FER: variants seen among roughly 807,000 people sequenced by gnomAD.
The protein encoded by FER is FER tyrosine kinase, also known as tyrosine-protein kinase Fer.
A neutral mutation model predicts 111.0 loss-of-function variants in FER; 63 were observed. That is an observed-to-expected ratio of 0.57 (90% CI 0.46 to 0.70). The LOEUF is 0.70. FER is among the 30% of genes least tolerant of loss of function. The pLI is 0.00. For synonymous variants in FER, 327 were observed against 313.9 expected, an observed-to-expected ratio of 1.04 and a Z score of -0.44; for missense variants, 914 against 954.0, an observed-to-expected ratio of 0.96 and a Z score of 0.55.
At chr5:109,047,596 T>G (rs1421535301) in intron 16 of FER, among the ~76,000 whole-genome samples, 1 of 152,194 alleles carries the variant, frequency 6.6e-6, no homozygotes, top group Admixed American at 6.5e-5. Context: ...AATGTTTAAA[T>G]TAATTTTTAA....
chr5:109,190,724 CT>C lies in FER; in HGVS notation c.*3150del, dbSNP rs1759316789. 1 of 152,120 alleles carries C rather than the reference CT, an allele frequency of 6.6e-6. No homozygotes were observed. Among genetic ancestry groups the C allele is most frequent in the African/African-American group, 2.4e-5 (1 of 41,440 alleles). The allele number at this position is 152,120 out of a possible 1,614,324, so 9.4% of individuals were successfully genotyped here. A position where few individuals can be genotyped will look rare whatever the true frequency, so the allele number is the denominator to read the frequency against. On this transcript the variant is annotated 3_prime_UTR_variant, in exon 20 of 20. Transcript: ENST00000281092. ...CAGTGAGAGGTCTCCAGTGAAAGGTCTCATGTAATTGTTTCTCTTTTATCTC... is the reference window on the plus strand; with the variant it reads ...CAGTGAGAGGTCTCCAGTGAAAGGTCCATGTAATTGTTTCTCTTTTATCTC...
chr5:108,921,538 A>T (rs975838208), intron 10 of FER, among the ~76,000 whole-genome samples: 1 of 152,144 alleles, frequency 6.6e-6, no homozygotes, highest in Non-Finnish European at 1.5e-5. Flanking sequence ...CGTATCAACA[A>T]GTAGAGTTAT....
intron 10 of FER, among the ~76,000 whole-genome samples, chr5:108,918,556 T>G (rs1752576885): frequency 6.6e-6 from 1 of 151,266 alleles, no homozygotes; most frequent in African/African-American, 2.4e-5. Context: ...GTGCGATCTC[T>G]GCTCACTGCA....
chr5:109,040,429 T>A (rs998283164), intron 14 of FER, among the ~76,000 whole-genome samples: 19 of 152,052 alleles, frequency 1.2e-4, no homozygotes, highest in African/African-American at 4.3e-4. Context: ...GGAGATATGA[T>A]GCCTTGGAAG....
At chr5:108,767,055 T>G (rs1186462651) in intron 1 of FER, among the ~76,000 whole-genome samples, 1 of 152,024 alleles carries the variant, frequency 6.6e-6, no homozygotes, top group Non-Finnish European at 1.5e-5. Flanking sequence ...AATCCCAGCA[T>G]TTTGGGAGGC....
At chr5:109,077,968 ATTAT>A (rs904645436) in intron 16 of FER, among the ~76,000 whole-genome samples, 2 of 152,272 alleles carry the variant, frequency 1.3e-5, no homozygotes, top group Admixed American at 6.5e-5. Flanking sequence ...GATCAAAAAG[ATTAT>A]TTATTGTAAA....
intron 17 of FER, among the ~76,000 whole-genome samples, chr5:109,164,422 T>C (rs11750370): frequency 0.38 from 57,181 of 152,036 alleles, 10,983 homozygotes; most frequent in Non-Finnish European, 0.4. Flanking sequence ...CCTCTGGTCC[T>C]TGTTTAATAC....
At chr5:109,079,251 G>T (rs905653916) in intron 16 of FER, among the ~76,000 whole-genome samples, 1 of 152,230 alleles carries the variant, frequency 6.6e-6, no homozygotes, top group South Asian at 2.1e-4. Context: ...CCTAACCACT[G>T]CTCCACCTGG....
At chr5:109,125,379 T>G (rs1379362354) in intron 17 of FER, among the ~76,000 whole-genome samples, 1 of 149,772 alleles carries the variant, frequency 6.7e-6, no homozygotes, top group Non-Finnish European at 1.5e-5. Context: ...TTTTATCTAT[T>G]TATGTAAGTG....
chr5:109,011,301 A>T (rs538453177), intron 13 of FER, among the ~76,000 whole-genome samples: 1 of 152,310 alleles, frequency 6.6e-6, no homozygotes, highest in East Asian at 1.9e-4. Context: ...AAAATTAGAG[A>T]TGGATACAGC....
chr5:109,043,082 A>T lies in FER; in HGVS notation c.1714-1598A>T, dbSNP rs536556901. Among the ~76,000 whole-genome samples, 340 of 152,302 alleles carry T rather than the reference A, an allele frequency of 2.2e-3. 6 individuals carry two copies. Among genetic ancestry groups the T allele is most frequent in the Admixed American group, 0.022 (336 of 15,286 alleles). On this transcript the variant is annotated intron_variant, in intron 14 of 19. Transcript: ENST00000281092. ...AGGGTAACCTTTCTGAGATGCAAGG[A>T]ATAAGACAAAAAGTATTATGGAGGT...
chr5:108,819,353 T>C (rs1344864869), intron 3 of FER, among the ~76,000 whole-genome samples: 1 of 152,088 alleles, frequency 6.6e-6, no homozygotes, highest in Admixed American at 6.6e-5. Context: ...AAGTAGTTTG[T>C]AGATATTAAG....
intron 16 of FER, among the ~76,000 whole-genome samples, chr5:109,053,584 A>G (rs1189602022): frequency 2.0e-5 from 3 of 152,032 alleles, no homozygotes; most frequent in African/African-American, 2.4e-5. Flanking sequence ...TAAAAATAGA[A>G]TCATGCAGTA....
chr5:108,857,232 TA>T (rs1389755754), intron 5 of FER, among the ~76,000 whole-genome samples: 1 of 152,176 alleles, frequency 6.6e-6, no homozygotes, highest in Non-Finnish European at 1.5e-5. Context: ...TAGTTGCCTT[TA>T]CACTGGAACA....
chr5:108,785,582 G>C, intron 2 of FER: 2 of 459,136 alleles, frequency 4.4e-6, no homozygotes, highest in South Asian at 3.5e-5. Context: ...TAGAAATTAA[G>C]AAACGAACAA....
At chr5:109,051,092 T>C (rs892969568) in intron 16 of FER, among the ~76,000 whole-genome samples, 1 of 152,182 alleles carries the variant, frequency 6.6e-6, no homozygotes, top group Non-Finnish European at 1.5e-5. Flanking sequence ...CTACTTTAAA[T>C]ACCAATATGC....
intron 17 of FER, among the ~76,000 whole-genome samples, chr5:109,108,298 G>A (rs1315136283): frequency 6.6e-6 from 1 of 152,168 alleles, no homozygotes; most frequent in East Asian, 1.9e-4. Flanking sequence ...CTGAGCTGAT[G>A]ATAAAACCTG....
In FER at chr5:108,927,456, T is replaced by C. The variant is rs548570050; in HGVS notation, c.1237-18674T>C. On this transcript the variant is annotated intron_variant, in intron 10 of 19. Coordinates refer to ENST00000281092, the MANE Select transcript of FER (RefSeq NM_005246.4). ...TTTGTATTTTTAGTAGAGACGGGGTTCACCTTGTTAGCCAGGATGGTCTTG... is the reference window on the plus strand; with the variant it reads ...TTTGTATTTTTAGTAGAGACGGGGTCCACCTTGTTAGCCAGGATGGTCTTG... Among the ~76,000 whole-genome samples, 10 of 152,088 alleles carry C rather than the reference T, an allele frequency of 6.6e-5. No individual in the cohort carries two copies. In the South Asian group the frequency reaches 2.1e-3, roughly 32 times the overall value.
At chr5:109,004,903 G>A (rs904564182) in intron 13 of FER, among the ~76,000 whole-genome samples, 2 of 151,392 alleles carry the variant, frequency 1.3e-5, no homozygotes, top group Non-Finnish European at 3.0e-5. Context: ...TGGTTCAAAT[G>A]AAGAGTTGTT....
Sources: allele counts gnomAD v4.1 joint callset (sites outside exome capture counted in the v4.1 genomes callset), GRCh38; gene constraint gnomAD v4.1.1; transcripts MANE v1.5; gene names NCBI Gene and HGNC (gene_info 2026-07-23, HGNC 2026-07-21).